Variants in TGIF1 observed in about 807,000 individuals in gnomAD.
The protein encoded by TGIF1 is TGFB induced factor homeobox 1.
TGIF1 carries 4 observed loss-of-function variants against 19.3 expected under a neutral mutation model. The ratio of observed to expected loss-of-function variants is 0.21; its 90% CI spans 0.10 to 0.47. The LOEUF is 0.47. Among genes scored for constraint, TGIF1 ranks in the 20% least tolerant of loss-of-function variants. The pLI is 0.98. For synonymous variants in TGIF1, 122 were observed against 129.3 expected (o/e 0.94, Z 0.38); for missense variants, 275 against 341.4 (o/e 0.81, Z 1.53).
chr18:3,414,166 A>G (rs1288123530), intron 1 of TGIF1, among the ~76,000 whole-genome samples: 2 of 152,192 alleles, frequency 1.3e-5, no homozygotes, highest in South Asian at 2.1e-4. Flanking sequence ...TTTGTTCTAC[A>G]CTTTACTGAA....
At chr18:3,428,808 A>G (rs542581650) in intron 2 of TGIF1, among the ~76,000 whole-genome samples, 32 of 152,100 alleles carry the variant, frequency 2.1e-4, no homozygotes, top group Non-Finnish European at 1.8e-4. Context: ...TTGGGAGGCC[A>G]AGGTGGGCAG....
At chr18:3,453,043 C>T (rs1014513794) in intron 1 of TGIF1, among the ~76,000 whole-genome samples, 1 of 152,128 alleles carries the variant, frequency 6.6e-6, no homozygotes, top group Non-Finnish European at 1.5e-5. Flanking sequence ...CCAACCATAC[C>T]TTGGATTTGG....
At position 3,423,406 on chromosome 18, in the gene TGIF1, G is replaced by T. The variant is rs116208995; in HGVS notation, c.-45+5191G>T. 3.7e-3 allele frequency among the ~76,000 whole-genome samples: 564 copies of T among 152,200 alleles called. 4 individuals carry two copies. The highest frequency in any genetic ancestry group is 0.013 in the African/African-American group (552 of 41,516). On this transcript the variant is annotated intron_variant, in intron 2 of 3. Coordinates refer to the TGIF1 transcript ENST00000401449. ...ACAAAAAAAAGTTTTAAGGCTGAGC[G>T]CAGTGGCTCACGCTTGTAATCCCAG...
intron 2 of TGIF1, among the ~76,000 whole-genome samples, chr18:3,442,401 T>C (rs3866990): frequency 0.6 from 91,890 of 151,916 alleles, 29,673 homozygotes; most frequent in East Asian, 0.9. Flanking sequence ...TAGTACTTAG[T>C]CCAATGATTT....
chr18:3,433,623 A>AGGGACTGTGGGGAGGAGAGAAC, intron 2 of TGIF1, among the ~76,000 whole-genome samples: 1 of 152,334 alleles, frequency 6.6e-6, no homozygotes, highest in South Asian at 2.1e-4. Context: ...AGAAGTTACT[A>AGGGACTGTGGGGAGGAGAGAAC]GGGACTGTGG....
At chr18:3,440,244 G>T (rs544931483) in intron 2 of TGIF1, among the ~76,000 whole-genome samples, 1 of 151,976 alleles carries the variant, frequency 6.6e-6, no homozygotes, top group Non-Finnish European at 1.5e-5. Flanking sequence ...CTCATTACTT[G>T]GGAGGCTGAG....
chr18:3,441,452 G>A (rs13339703), intron 2 of TGIF1, among the ~76,000 whole-genome samples: 4,105 of 152,176 alleles, frequency 0.027, 164 homozygotes, highest in African/African-American at 0.09. Flanking sequence ...TCTTGGTGTG[G>A]GGGCTGTGGT....
intron 2 of TGIF1, among the ~76,000 whole-genome samples, chr18:3,423,854 C>A (rs2082437667): frequency 6.6e-6 from 1 of 151,886 alleles, no homozygotes; most frequent in Admixed American, 6.6e-5. Flanking sequence ...TGCTCTGTCT[C>A]AAAAACAACA....
chr18:3,415,279 C>T (rs142635068), intron 1 of TGIF1: 1 of 270,504 alleles, frequency 3.7e-6, no homozygotes, highest in African/African-American at 2.2e-5. Flanking sequence ...TTACCAAAAC[C>T]AGAGGCAGAA....
chr18:3,439,408 C>G (rs1400550113), intron 2 of TGIF1, among the ~76,000 whole-genome samples: 1 of 146,598 alleles, frequency 6.8e-6, no homozygotes, highest in African/African-American at 2.5e-5. Context: ...AGTACAGTGG[C>G]AGATCTCGGC....
chr18:3,454,719 T>C (rs1461762889), intron 1 of TGIF1, among the ~76,000 whole-genome samples: 1 of 152,224 alleles, frequency 6.6e-6, no homozygotes, highest in Non-Finnish European at 1.5e-5. Flanking sequence ...TTCAAATACA[T>C]GGCAGTTAAA....
At chr18:3,422,815 T>C (rs192997279) in intron 2 of TGIF1, among the ~76,000 whole-genome samples, 11 of 149,672 alleles carry the variant, frequency 7.3e-5, no homozygotes, top group East Asian at 6.2e-4. Flanking sequence ...CTCAGCCTCC[T>C]GAGTAGCTGG....
Position 3,444,372 on chromosome 18 carries a change from A to G in TGIF1, c.-44-11982A>G, listed in dbSNP as rs539697786. Among the ~76,000 whole-genome samples the G allele has an allele frequency of 2.0e-5, 3 of 151,528 alleles. No individual in the cohort carries two copies. In the East Asian group the frequency reaches 5.8e-4, roughly 30 times the overall value. ...GTGAAGGTTTCTTAAATAAGAAAAC[A>G]TGTCACAGGGTTTGTTGTACATATT... On this transcript the variant is annotated intron_variant, in intron 2 of 3. Transcript: ENST00000401449.
intron 2 of TGIF1, among the ~76,000 whole-genome samples, chr18:3,426,613 A>G (rs1295226036): frequency 6.6e-6 from 1 of 152,182 alleles, no homozygotes; most frequent in Non-Finnish European, 1.5e-5. Context: ...AATACTGTGG[A>G]GAAAGAAGCA....
upstream of TGIF1, chr18:3,449,617 C>A (rs1346872323): frequency 2.3e-5 from 23 of 984,736 alleles, no homozygotes; most frequent in Non-Finnish European, 2.5e-5. Flanking sequence ...TGCGCCGCGC[C>A]GCGCCCGCGT....
In TGIF1 at chr18:3,443,421, T is replaced by TC. The variant is rs1369241652; in HGVS notation, c.-44-12933_-44-12932insC. Among the ~76,000 whole-genome samples the TC allele has an allele frequency of 6.6e-5, 10 of 152,130 alleles. No individual in the cohort carries two copies. The South Asian group carries it at 1.2e-3, about 19-fold the overall frequency. On this transcript the variant is annotated intron_variant, in intron 2 of 3. Coordinates refer to the TGIF1 transcript ENST00000401449. ...TGGGGATAATAATACTTTTTTTTTTTTTCCAGATAGGGTTTCGCTCTTGTC... is the reference window on the plus strand; with the variant it reads ...TGGGGATAATAATACTTTTTTTTTTTCTTCCAGATAGGGTTTCGCTCTTGTC...
At chr18:3,421,687 C>T (rs960503663) in intron 2 of TGIF1, among the ~76,000 whole-genome samples, 4 of 150,916 alleles carry the variant, frequency 2.7e-5, no homozygotes, top group African/African-American at 4.9e-5. Flanking sequence ...GTTGGGATTA[C>T]AGGCGTGAGC....
intron 2 of TGIF1, among the ~76,000 whole-genome samples, chr18:3,443,768 G>A (rs2082703867): frequency 6.6e-6 from 1 of 150,660 alleles, no homozygotes; most frequent in South Asian, 2.1e-4. Context: ...CCTGACCTCA[G>A]ATGATCTGCC....
chr18:3,456,261 G>A lies in TGIF1; in HGVS notation c.17-93G>A, dbSNP rs2049350106. The A allele has an allele frequency of 1.7e-6, 2 of 1,198,084 alleles. No individual in the cohort carries two copies. Among genetic ancestry groups the A allele is most frequent in the South Asian group, 2.4e-5 (2 of 82,018 alleles). 74.2% of individuals were successfully genotyped at this position (1,198,084 alleles called of 1,614,324 possible). A position where few individuals can be genotyped will look rare whatever the true frequency, so the allele number is the denominator to read the frequency against. ...CTCCTCGCTCTCAGTTGTTGGGAAA[G>A]CATGGTTACATTGAATGGTCAGCGT... On this transcript the variant is annotated intron_variant, in intron 1 of 2. Transcript: ENST00000343820. The surrounding 1 kb of genome is among the most constrained non-coding windows in gnomAD (Gnocchi z 4.2).
Sources: allele counts gnomAD v4.1 joint callset (sites outside exome capture counted in the v4.1 genomes callset), GRCh38; gene constraint gnomAD v4.1.1; non-coding constraint Gnocchi (gnomAD v3.1); transcripts MANE v1.5; gene names NCBI Gene and HGNC (gene_info 2026-07-23, HGNC 2026-07-21).